The following LRRC37A2 variants were observed in gnomAD, a reference collection of about 807,000 sequenced individuals.
The protein encoded by LRRC37A2 is leucine rich repeat containing 37 member A2, also known as leucine-rich repeat-containing protein 37A2.
LRRC37A2 carries 9 observed loss-of-function variants against 68.8 expected under a neutral mutation model. The ratio of observed to expected loss-of-function variants is 0.13; its 90% CI spans 0.08 to 0.23. LRRC37A2 has a LOEUF of 0.23. Among genes scored for constraint, LRRC37A2 ranks in the 10% least tolerant of loss-of-function variants. The pLI is 1.00. For missense variants in LRRC37A2, 168 were observed against 950.4 expected, an observed-to-expected ratio of 0.18 and a Z score of 10.82; for synonymous variants, 63 against 367.6, an observed-to-expected ratio of 0.17 and a Z score of 9.48.
chr17:47,042,142 C>T, the LRRC37A2 span: 8 of 141,322 alleles, frequency 5.7e-5, no homozygotes, highest in African/African-American at 1.5e-4. Flanking sequence ...TCTCATCGAC[C>T]ACAGACTAAT....
the LRRC37A2 span, among the ~76,000 whole-genome samples, chr17:46,900,039 C>G: frequency 6.6e-6 from 1 of 151,196 alleles, no homozygotes; most frequent in Non-Finnish European, 1.5e-5. Context: ...GGATCTGTAT[C>G]TTATCCACAC....
chr17:46,469,705 A>G, the LRRC37A2 span, among the ~76,000 whole-genome samples: 9 of 75,224 alleles, frequency 1.2e-4, 4 homozygotes, highest in Non-Finnish European at 3.1e-4. Flanking sequence ...AGAAACAAAC[A>G]AACAAAAAAA....
the LRRC37A2 span, among the ~76,000 whole-genome samples, chr17:46,927,012 C>A: frequency 2.0e-5 from 3 of 152,192 alleles, no homozygotes; most frequent in African/African-American, 7.2e-5. Context: ...ATTTATAATC[C>A]TACCAGCTGG....
chr17:46,929,125 A>G, the LRRC37A2 span, among the ~76,000 whole-genome samples: 2 of 152,166 alleles, frequency 1.3e-5, no homozygotes, highest in African/African-American at 4.8e-5. Context: ...AGTGCTTAGC[A>G]CATTAGGTCG....
chr17:46,932,098 C>A, the LRRC37A2 span: 1 of 1,613,298 alleles, frequency 6.2e-7, no homozygotes, highest in Non-Finnish European at 8.5e-7. Context: ...TGATGTCCAG[C>A]ACCTGCAGAC....
chr17:46,840,399 C>T, the LRRC37A2 span, among the ~76,000 whole-genome samples: 1 of 152,216 alleles, frequency 6.6e-6, no homozygotes, highest in Non-Finnish European at 1.5e-5. Flanking sequence ...TTTCTTAATC[C>T]AGTCTATCAT....
the LRRC37A2 span, among the ~76,000 whole-genome samples, chr17:47,037,284 C>T: frequency 1.3e-5 from 2 of 151,958 alleles, no homozygotes; most frequent in Non-Finnish European, 2.9e-5. Flanking sequence ...AGTGAGACTC[C>T]AATGGAGACG....
At chr17:46,720,912 A>T in the LRRC37A2 span, among the ~76,000 whole-genome samples, 1 of 152,284 alleles carries the variant, frequency 6.6e-6, no homozygotes, top group African/African-American at 2.4e-5. Context: ...AAAGGCTGGG[A>T]TTAATGGAAC....
the LRRC37A2 span, among the ~76,000 whole-genome samples, chr17:46,773,131 A>G: frequency 1.3e-5 from 2 of 152,136 alleles, no homozygotes; most frequent in Non-Finnish European, 2.9e-5. Flanking sequence ...AGACGGCCGG[A>G]AAGTTACCCA....
At chr17:47,004,735 GC>G in the LRRC37A2 span, among the ~76,000 whole-genome samples, 1 of 152,176 alleles carries the variant, frequency 6.6e-6, no homozygotes, top group Non-Finnish European at 1.5e-5. Flanking sequence ...TCACTATGTT[GC>G]CCAGGCTGGT....
At chr17:46,887,289 A>T in the LRRC37A2 span, among the ~76,000 whole-genome samples, 1 of 152,190 alleles carries the variant, frequency 6.6e-6, no homozygotes, top group East Asian at 1.9e-4. Context: ...ATTGGGATCC[A>T]TTTCACAGAG....
At chr17:47,000,694 T>G in the LRRC37A2 span, among the ~76,000 whole-genome samples, 1 of 152,164 alleles carries the variant, frequency 6.6e-6, no homozygotes, top group African/African-American at 2.4e-5. Flanking sequence ...ACTTATGACT[T>G]GCAGCATCTG....
chr17:46,999,555 G>T, the LRRC37A2 span, among the ~76,000 whole-genome samples: 1 of 152,030 alleles, frequency 6.6e-6, no homozygotes, highest in African/African-American at 2.4e-5. Context: ...TTGCCATATT[G>T]CCCAGGCTGG....
chr17:46,703,694 A>AC, the LRRC37A2 span, among the ~76,000 whole-genome samples: 4 of 151,366 alleles, frequency 2.6e-5, no homozygotes, highest in African/African-American at 9.7e-5. Flanking sequence ...AAAAAAAAAA[A>AC]AAAAAAAAAA....
the LRRC37A2 span, among the ~76,000 whole-genome samples, chr17:46,983,660 T>G: frequency 1.3e-5 from 2 of 152,228 alleles, no homozygotes; most frequent in Non-Finnish European, 2.9e-5. Flanking sequence ...TATTAACTCT[T>G]AATTCTCATA....
chr17:46,939,238 A>T, the LRRC37A2 span: 2 of 1,045,870 alleles, frequency 1.9e-6, no homozygotes, highest in Non-Finnish European at 2.3e-6. Context: ...AGGTCGATTC[A>T]CATCCTCGTG....
At chr17:46,875,876 G>T in the LRRC37A2 span, among the ~76,000 whole-genome samples, 6 of 152,194 alleles carry the variant, frequency 3.9e-5, no homozygotes, top group Non-Finnish European at 7.3e-5. Flanking sequence ...AGGAGGCTGG[G>T]AGACACCAGT....
At chr17:46,501,710 A>G in the LRRC37A2 span, among the ~76,000 whole-genome samples, 1 of 151,244 alleles carries the variant, frequency 6.6e-6, no homozygotes, top group Non-Finnish European at 1.5e-5. Context: ...ATGATATCTC[A>G]TTGTATGCCT....
At chr17:46,504,952 TGAGA>T in the LRRC37A2 span, among the ~76,000 whole-genome samples, 1 of 105,374 alleles carries the variant, frequency 9.5e-6, no homozygotes, top group Non-Finnish European at 1.8e-5. Flanking sequence ...TAACTAATTT[TGAGA>T]GAGAGTCTTG....
Sources: allele counts gnomAD v4.1 joint callset (sites outside exome capture counted in the v4.1 genomes callset), GRCh38; gene constraint gnomAD v4.1.1; transcripts MANE v1.5; gene names NCBI Gene and HGNC (gene_info 2026-07-23, HGNC 2026-07-21).